Variants in CDH18 observed in about 807,000 individuals in gnomAD.
CDH18 encodes cadherin 18.
Under a neutral mutation model 67.9 loss-of-function variants are expected in CDH18, and 31 were observed. The observed-to-expected ratio is 0.46, with a 90% CI of 0.34 to 0.62. CDH18 has a LOEUF of 0.62. Ranked by LOEUF, CDH18 falls within the 20% of genes least tolerant of loss-of-function variation. The pLI is 0.01. For synonymous variants in CDH18, 362 were observed against 347.2 expected (o/e 1.04, Z -0.48); for missense variants, 890 against 975.5 (o/e 0.91, Z 1.17).
intron 1 of CDH18, among the ~76,000 whole-genome samples, chr5:20,492,437 T>C (rs575260672): frequency 1.4e-4 from 22 of 152,176 alleles, no homozygotes; most frequent in African/African-American, 2.4e-5. Context: ...CATTTTATAT[T>C]TTTTGAACTT....
At chr5:19,539,554 C>T (rs79528019) in intron 9 of CDH18, among the ~76,000 whole-genome samples, 193 of 152,204 alleles carry the variant, frequency 1.3e-3, no homozygotes, top group East Asian at 2.9e-3. Flanking sequence ...GGAGTTGATT[C>T]TCTTTTCTGA....
At chr5:20,292,072 T>G (rs181885737) in intron 1 of CDH18, among the ~76,000 whole-genome samples, 1 of 152,274 alleles carries the variant, frequency 6.6e-6, no homozygotes, top group East Asian at 1.9e-4. Flanking sequence ...CACACCTGGG[T>G]CAGTAATGAA....
chr5:19,869,948 A>G (rs1786045284), intron 2 of CDH18, among the ~76,000 whole-genome samples: 1 of 152,120 alleles, frequency 6.6e-6, no homozygotes, highest in Non-Finnish European at 1.5e-5. Context: ...TTTTAATGTT[A>G]TTTATTTCTA....
intron 8 of CDH18, among the ~76,000 whole-genome samples, chr5:19,557,445 T>C (rs1172897794): frequency 6.6e-6 from 1 of 151,964 alleles, no homozygotes; most frequent in Non-Finnish European, 1.5e-5. Flanking sequence ...GAAACAGATA[T>C]TTCATGAAAA....
At chr5:20,572,877 A>G (rs1263432853) in intron 1 of CDH18, among the ~76,000 whole-genome samples, 1 of 152,182 alleles carries the variant, frequency 6.6e-6, no homozygotes, top group Non-Finnish European at 1.5e-5. Context: ...AACAATAGTG[A>G]GAATCCCTAA....
intron 3 of CDH18, among the ~76,000 whole-genome samples, chr5:19,763,542 A>G (rs1772650144): frequency 6.6e-6 from 1 of 152,178 alleles, no homozygotes; most frequent in Non-Finnish European, 1.5e-5. Flanking sequence ...GGCATGCTAA[A>G]TGTGATATTT....
Position 19,710,847 on chromosome 5 carries a change from G to T in CDH18, c.643+10500C>A, listed in dbSNP as rs981686953. Among the ~76,000 whole-genome samples the T allele has an allele frequency of 2.6e-5, 4 of 152,014 alleles. No homozygotes were observed. In the East Asian group the frequency reaches 5.8e-4, roughly 22 times the overall value. ...TCCAATAATATGATGCCTTCAGTTT[G>T]GTTCTTCATACAAGGCTATCATAAC... On this transcript the variant is annotated intron_variant, in intron 5 of 12. Transcript: ENST00000382275.
intron 2 of CDH18, among the ~76,000 whole-genome samples, chr5:20,172,202 A>ACGTATATATATATATACG (rs372430630): frequency 2.2e-5 from 1 of 46,050 alleles, no homozygotes; most frequent in African/African-American, 1.3e-4. Context: ...ATATATATAT[A>ACGTATATATATATATACG]TATATATATA....
intron 1 of CDH18, among the ~76,000 whole-genome samples, chr5:20,390,299 A>C (rs1744726706): frequency 6.6e-6 from 1 of 151,586 alleles, no homozygotes; most frequent in Admixed American, 6.6e-5. Flanking sequence ...CAAGAAAAAA[A>C]CAAACGACTC....
At chr5:19,563,343 A>G (rs1483438147) in intron 8 of CDH18, among the ~76,000 whole-genome samples, 3 of 152,204 alleles carry the variant, frequency 2.0e-5, no homozygotes, top group African/African-American at 7.2e-5. Context: ...TATAGAATGG[A>G]ATCAATAATA....
chr5:20,135,630 C>G (rs981832137), intron 2 of CDH18, among the ~76,000 whole-genome samples: 2 of 152,132 alleles, frequency 1.3e-5, no homozygotes, highest in African/African-American at 4.8e-5. Flanking sequence ...TTGGCTTCTG[C>G]TAGCTTTTGA....
intron 2 of CDH18, among the ~76,000 whole-genome samples, chr5:20,208,811 C>T (rs940045390): frequency 1.1e-4 from 17 of 151,878 alleles, no homozygotes; most frequent in Non-Finnish European, 2.4e-4. Flanking sequence ...AAAATATACG[C>T]AAACTACTCA....
intron 3 of CDH18, among the ~76,000 whole-genome samples, chr5:19,797,874 C>A (rs1777023307): frequency 6.6e-6 from 1 of 152,000 alleles, no homozygotes; most frequent in Admixed American, 6.6e-5. Flanking sequence ...TTAATTAAAA[C>A]ACTCTTGATG....
At chr5:20,333,674 T>C (rs1739415021) in intron 1 of CDH18, among the ~76,000 whole-genome samples, 1 of 151,894 alleles carries the variant, frequency 6.6e-6, no homozygotes, top group Non-Finnish European at 1.5e-5. Context: ...AAAAGACAAA[T>C]GCTTAAATAT....
chr5:19,822,138 A>G (rs1423202872), intron 3 of CDH18, among the ~76,000 whole-genome samples: 3 of 152,202 alleles, frequency 2.0e-5, no homozygotes, highest in Non-Finnish European at 2.9e-5. Context: ...ACTTGAATGT[A>G]GGTGCTCTAA....
chr5:19,860,773 A>T (rs1480216485), intron 2 of CDH18, among the ~76,000 whole-genome samples: 3 of 152,084 alleles, frequency 2.0e-5, no homozygotes, highest in Non-Finnish European at 2.9e-5. Context: ...TTGCGGAAAG[A>T]GATACTGAAA....
intron 1 of CDH18, among the ~76,000 whole-genome samples, chr5:20,356,889 A>G (rs1561999587): frequency 6.7e-6 from 1 of 150,134 alleles, no homozygotes; most frequent in Non-Finnish European, 1.5e-5. Flanking sequence ...TACTCTATAT[A>G]TACATGCATG....
At chr5:19,872,283 T>C (rs1248376161) in intron 2 of CDH18, among the ~76,000 whole-genome samples, 1 of 152,214 alleles carries the variant, frequency 6.6e-6, no homozygotes, top group Non-Finnish European at 1.5e-5. Flanking sequence ...TTAGGGTATG[T>C]GAACTACATA....
intron 2 of CDH18, among the ~76,000 whole-genome samples, chr5:19,896,136 C>A (rs985324935): frequency 6.6e-6 from 1 of 152,076 alleles, no homozygotes; most frequent in Admixed American, 6.6e-5. Flanking sequence ...GCGGGCAGAT[C>A]ATCTGACGTC....
Sources: allele counts gnomAD v4.1 joint callset (sites outside exome capture counted in the v4.1 genomes callset), GRCh38; gene constraint gnomAD v4.1.1; transcripts MANE v1.5; gene names NCBI Gene and HGNC (gene_info 2026-07-23, HGNC 2026-07-21).